IMMP2L: variants seen among roughly 807,000 people sequenced by gnomAD.
The protein encoded by IMMP2L is inner mitochondrial membrane peptidase subunit 2, also known as mitochondrial inner membrane protease subunit 2.
Under a neutral mutation model 19.3 loss-of-function variants are expected in IMMP2L, and 18 were observed. The ratio of observed to expected loss-of-function variants is 0.93; its 90% CI spans 0.64 to 1.38. The LOEUF (loss-of-function observed/expected upper bound fraction) is 1.38. IMMP2L is among the 40% of genes most tolerant of loss of function. The pLI is 0.00. For missense variants in IMMP2L, 233 were observed against 218.2 expected (o/e 1.07, Z -0.43); for synonymous variants, 76 against 73.0 (o/e 1.04, Z -0.21).
chr7:110,702,989 G>A (rs1222747667), intron 5 of IMMP2L, among the ~76,000 whole-genome samples: 1 of 152,088 alleles, frequency 6.6e-6, no homozygotes, highest in Non-Finnish European at 1.5e-5. Context: ...TTCTGTTTCA[G>A]AAAGAAATCA....
Position 111,372,923 on chromosome 7 carries a change from GA to G in IMMP2L, c.239+114314del, listed in dbSNP as rs1193140685. 7.9e-5 allele frequency among the ~76,000 whole-genome samples: 12 copies of G among 151,964 alleles called. 2 individuals are homozygous for G. Among genetic ancestry groups the G allele is most frequent in the Admixed American group, 5.9e-4 (9 of 15,226 alleles). Reference sequence around the variant, plus strand: ...CCCATAAAGTCTACACATTGAAGATGAACAATTAGGGTAAAAGTGAACATAA... The same window carrying G: ...CCCATAAAGTCTACACATTGAAGATGACAATTAGGGTAAAAGTGAACATAA... On this transcript the variant is annotated intron_variant, in intron 3 of 5. Coordinates refer to ENST00000405709, the MANE Select transcript of IMMP2L (RefSeq NM_032549.4).
chr7:110,795,288 C>T (rs915578137), intron 5 of IMMP2L, among the ~76,000 whole-genome samples: 3 of 152,010 alleles, frequency 2.0e-5, no homozygotes. Context: ...GCTGTTGACT[C>T]AGTATTTGTC....
intron 3 of IMMP2L, among the ~76,000 whole-genome samples, chr7:111,101,296 T>A (rs139778488): frequency 1.3e-5 from 2 of 151,586 alleles, no homozygotes; most frequent in East Asian, 3.9e-4. Flanking sequence ...TCCCTAGTCA[T>A]TGAACAGAAC....
intron 5 of IMMP2L, among the ~76,000 whole-genome samples, chr7:110,755,726 G>A (rs1484123368): frequency 6.6e-6 from 1 of 152,084 alleles, no homozygotes; most frequent in African/African-American, 2.4e-5. Flanking sequence ...GGTCTTAGAA[G>A]AGAAGCGGAA....
At chr7:110,736,139 A>G (rs913224186) in intron 5 of IMMP2L, among the ~76,000 whole-genome samples, 1 of 152,092 alleles carries the variant, frequency 6.6e-6, no homozygotes, top group African/African-American at 2.4e-5. Flanking sequence ...GCTGGAACAT[A>G]GTGACAACTC....
chr7:110,859,994 T>G (rs1438019465), intron 5 of IMMP2L, among the ~76,000 whole-genome samples: 1 of 152,058 alleles, frequency 6.6e-6, no homozygotes, highest in Non-Finnish European at 1.5e-5. Flanking sequence ...CCTAAAACAT[T>G]AATATGAGGA....
chr7:111,445,754 G>A (rs902206728), intron 3 of IMMP2L, among the ~76,000 whole-genome samples: 12 of 152,182 alleles, frequency 7.9e-5, no homozygotes, highest in South Asian at 2.1e-4. Context: ...CAGCGTGAGT[G>A]ACGCAGAAGA....
At chr7:110,905,154 T>C (rs538487783) in intron 4 of IMMP2L, among the ~76,000 whole-genome samples, 1 of 152,252 alleles carries the variant, frequency 6.6e-6, no homozygotes, top group African/African-American at 2.4e-5. Flanking sequence ...ATGATCAACC[T>C]GACCATAATA....
At chr7:110,905,901 A>G (rs1812400456) in intron 4 of IMMP2L, among the ~76,000 whole-genome samples, 1 of 152,218 alleles carries the variant, frequency 6.6e-6, no homozygotes, top group African/African-American at 2.4e-5. Context: ...TTTTGAAATA[A>G]GAAGTCATTC....
At chr7:111,524,374 G>T (rs1846635941) in intron 1 of IMMP2L, among the ~76,000 whole-genome samples, 1 of 151,994 alleles carries the variant, frequency 6.6e-6, no homozygotes, top group African/African-American at 2.4e-5. Context: ...GAAGAGAAAG[G>T]AAACGGCTCA....
chr7:111,302,757 A>G (rs149350266), intron 3 of IMMP2L, among the ~76,000 whole-genome samples: 198 of 152,250 alleles, frequency 1.3e-3, no homozygotes, highest in Middle Eastern at 6.8e-3. Context: ...ATTACCTAGA[A>G]TCTTTTATTT....
chr7:111,375,059 C>T (rs1830563934), intron 3 of IMMP2L, among the ~76,000 whole-genome samples: 1 of 151,908 alleles, frequency 6.6e-6, no homozygotes, highest in East Asian at 1.9e-4. Flanking sequence ...GTGTTGTCTC[C>T]CACTATTTAG....
At chr7:111,380,051 G>T (rs961075253) in intron 3 of IMMP2L, among the ~76,000 whole-genome samples, 5 of 151,814 alleles carry the variant, frequency 3.3e-5, no homozygotes, top group Admixed American at 2.0e-4. Flanking sequence ...TGCATATTCT[G>T]CAACATTAAT....
At chr7:111,225,979 T>A (rs1271407284) in intron 3 of IMMP2L, among the ~76,000 whole-genome samples, 1 of 152,108 alleles carries the variant, frequency 6.6e-6, no homozygotes, top group Non-Finnish European at 1.5e-5. Flanking sequence ...GGGATGGAAG[T>A]ATGAACATCT....
chr7:111,221,892 G>A (rs1035366085), intron 3 of IMMP2L, among the ~76,000 whole-genome samples: 1 of 151,938 alleles, frequency 6.6e-6, no homozygotes, highest in Non-Finnish European at 1.5e-5. Context: ...CCAAAGACAC[G>A]CAGCTAGACT....
intron 1 of IMMP2L, among the ~76,000 whole-genome samples, chr7:111,558,068 A>G (rs2133175252): frequency 6.6e-6 from 1 of 152,288 alleles, no homozygotes; most frequent in Non-Finnish European, 1.5e-5. Context: ...AAAACTTATT[A>G]TTGGACTAAG....
At chr7:110,750,984 T>C (rs886413538) in intron 5 of IMMP2L, among the ~76,000 whole-genome samples, 1 of 152,090 alleles carries the variant, frequency 6.6e-6, no homozygotes, top group Admixed American at 6.6e-5. Context: ...TTGGTTCAAG[T>C]GGAAATGATA....
rs1411254781 is a variant in IMMP2L, at chr7:111,465,415, G to A, written c.239+21823C>T. Among the ~76,000 whole-genome samples, 3 of 146,558 alleles carry A rather than the reference G, an allele frequency of 2.0e-5. No homozygotes were observed. In the Admixed American group the frequency reaches 2.1e-4, roughly 10 times the overall value. On this transcript the variant is annotated intron_variant, in intron 3 of 5. Coordinates refer to ENST00000405709, the MANE Select transcript of IMMP2L (RefSeq NM_032549.4). Reference sequence around the variant, plus strand: ...AGCCAAAGAAATGGTCCTTAATAGTGATTTTCCTCCCAAAATATGTGTACT... The same window carrying A: ...AGCCAAAGAAATGGTCCTTAATAGTAATTTTCCTCCCAAAATATGTGTACT...
intron 3 of IMMP2L, among the ~76,000 whole-genome samples, chr7:110,968,461 C>T (rs181962258): frequency 2.6e-5 from 4 of 151,966 alleles, no homozygotes; most frequent in Non-Finnish European, 5.9e-5. Flanking sequence ...TGGCTTGAGC[C>T]CAGAAGTTCG....
Sources: allele counts gnomAD v4.1 joint callset (sites outside exome capture counted in the v4.1 genomes callset), GRCh38; gene constraint gnomAD v4.1.1; transcripts MANE v1.5; gene names NCBI Gene and HGNC (gene_info 2026-07-23, HGNC 2026-07-21).